WEE2: variants seen among roughly 807,000 people sequenced by gnomAD.
WEE2 encodes the protein wee1-like protein kinase 2.
Under a neutral mutation model 60.1 loss-of-function variants are expected in WEE2, and 50 were observed. That is an observed-to-expected ratio of 0.83 (90% CI 0.66 to 1.05). The LOEUF (loss-of-function observed/expected upper bound fraction) is 1.05. Among genes scored for constraint, WEE2 ranks in the 50% least tolerant of loss-of-function variants. The pLI is 0.00. For synonymous variants in WEE2, 240 were observed against 241.0 expected (o/e 1.00, Z 0.04); for missense variants, 631 against 684.3 (o/e 0.92, Z 0.87).
chr7:141,727,429 G>A lies in WEE2; in HGVS notation c.1518G>A (p.Lys506=), dbSNP rs1194767654. The change falls in exon 10 of 12, where the codon AAG becomes AAA. Residue 506 remains lysine (K), a synonymous_variant. Coordinates refer to ENST00000397541, the MANE Select transcript of WEE2 (RefSeq NM_001105558.1). ...AGCAGCTGAATTTGGAAAAGTTCAA[G>A]ACTGCCACACTGGAAAGGTATATTT... is the stretch of plus-strand genomic sequence containing the variant. ...LQQQLNLEKF[K]TATLERELRE... is the part of the protein sequence containing the mutation. The A allele has an allele frequency of 6.2e-7, 1 of 1,614,016 alleles. No homozygotes were observed. The highest frequency in any genetic ancestry group is 8.5e-7 in the Non-Finnish European group (1 of 1,180,030).
At chr7:141,719,966 CT>C (rs1355439758) in intron 4 of WEE2, among the ~76,000 whole-genome samples, 2 of 152,038 alleles carry the variant, frequency 1.3e-5, no homozygotes, top group African/African-American at 4.8e-5. Flanking sequence ...GTTTCAGAGA[CT>C]ACATGCAAGG....
rs1798817100 is a variant in WEE2 at position 141,717,090 on chromosome 7, A to G, written c.585+823A>G. On this transcript the variant is annotated intron_variant, in intron 3 of 11. Coordinates refer to ENST00000397541, the MANE Select transcript of WEE2 (RefSeq NM_001105558.1). ...TTTATAACACCTTGAAAACATGCGT[A>G]TGTTAATGTTTAGTGTGCAAAAGAC... Among the ~76,000 whole-genome samples the G allele has an allele frequency of 3.9e-5, 6 of 152,346 alleles. No individual in the cohort carries two copies. The South Asian group carries it at 1.2e-3, about 32-fold the overall frequency.
chr7:141,713,563 T>A (rs1798742880), intron 1 of WEE2, among the ~76,000 whole-genome samples: 1 of 152,158 alleles, frequency 6.6e-6, no homozygotes, highest in Admixed American at 6.5e-5. Flanking sequence ...GGGCTTAGAG[T>A]ACTAATTTTC....
Position 141,721,059 on chromosome 7 carries a change from A to T in WEE2, c.880+3A>T, listed in dbSNP as rs774322687. The T allele has an allele frequency of 6.2e-7, 1 of 1,614,164 alleles. No homozygotes were observed. Among genetic ancestry groups the T allele is most frequent in the South Asian group, 1.1e-5 (1 of 91,078 alleles). On this transcript the variant is annotated splice_donor_region_variant and intron_variant, in intron 5 of 11. Transcript: ENST00000397541. The stretch of plus-strand genomic sequence containing the variant: ...CATTCAGAATGAATACTGCAATGGT[A>T]AGTAGTATATAGATGAATAACTACG...
At chr7:141,727,669 C>T in intron 10 of WEE2, 1 of 508,012 alleles carries the variant, frequency 2.0e-6, no homozygotes, top group East Asian at 3.1e-5. Context: ...CCAGTTAACG[C>T]AAACAAAGGA....
chr7:141,727,195 A>G (rs1799032692), intron 9 of WEE2, 109 bp from the exon 10 acceptor site: 3 of 1,193,396 alleles, frequency 2.5e-6, no homozygotes. Flanking sequence ...AGCAGAAGCA[A>G]TGTCTTACAA....
Position 141,729,655 on chromosome 7 carries a change from A to T in WEE2, c.1660A>T (p.Arg554Trp). 1 of 1,613,348 alleles carries T rather than the reference A, an allele frequency of 6.2e-7. No individual in the cohort carries two copies. The highest frequency in any genetic ancestry group is 1.1e-5 in the South Asian group (1 of 90,870). ...ACGCCTGGTGGGAGGAAAGAGTGCA[A>T]GGTCTTCAAGCTTTACCTGTGAGTA... ...TKRLVGGKSA[R>W]SSSFTSGERE... is the part of the protein sequence containing the mutation. The change falls in exon 11 of 12, where the codon AGG (arginine) becomes TGG (tryptophan). Residue 554 changes from arginine to tryptophan, a missense_variant. Transcript: ENST00000397541.
In WEE2 at chr7:141,729,499, G is replaced by C. The variant is rs766233950; in HGVS notation, c.1536-32G>C. 28 of 1,614,008 alleles carry C rather than the reference G, an allele frequency of 1.7e-5. No homozygotes were observed. The South Asian group carries it at 3.1e-4, about 18-fold the overall frequency. On this transcript the variant is annotated intron_variant, in intron 10 of 11. Transcript: ENST00000397541. ...ATACATATCTCTGACTGGAGATCAAGTAGCCTTTGCTTTTTCTCCCTCGCA... is the reference window on the plus strand; with the variant it reads ...ATACATATCTCTGACTGGAGATCAACTAGCCTTTGCTTTTTCTCCCTCGCA...
intron 10 of WEE2, chr7:141,728,069 AC>A (rs1485467980): frequency 1.3e-5 from 2 of 152,112 alleles, no homozygotes; most frequent in Non-Finnish European, 2.9e-5. Context: ...GGATGTGCTG[AC>A]CCCTGTGATA....
chr7:141,712,395 A>C (rs1194150472), intron 1 of WEE2, among the ~76,000 whole-genome samples: 1 of 152,168 alleles, frequency 6.6e-6, no homozygotes. Flanking sequence ...TCTGTGCTAC[A>C]GCTATTCCTT....
chr7:141,718,950 T>C, intron 3 of WEE2, 122 bp from the exon 4 acceptor site: 1 of 816,790 alleles, frequency 1.2e-6, no homozygotes, highest in Non-Finnish European at 1.9e-6. Context: ...GTAGAATTCA[T>C]TGCAGTCACC....
chr7:141,721,044 G>A lies in WEE2; in HGVS notation c.868G>A (p.Glu290Lys). Reference sequence around the variant, plus strand: ...AGATGACCACATGATCATTCAGAATGAATACTGCAATGGTAAGTAGTATAT... The same window carrying A: ...AGATGACCACATGATCATTCAGAATAAATACTGCAATGGTAAGTAGTATAT... Reference protein sequence around the residue: ...AEDDHMIIQNEYCNGGSLQAA... With the variant: ...AEDDHMIIQNKYCNGGSLQAA... Residue 290 changes from glutamate to lysine, a missense_variant, in exon 5 of 12, where the codon GAA (glutamate) becomes AAA (lysine). Physicochemically the swap from Glu to Lys is moderately conservative, Grantham distance 56 (BLOSUM62 1). Transcript: ENST00000397541. The A allele has an allele frequency of 6.2e-7, 1 of 1,614,162 alleles. No individual in the cohort carries two copies. Among genetic ancestry groups the A allele is most frequent in the Non-Finnish European group, 8.5e-7 (1 of 1,180,036 alleles).
chr7:141,726,123 T>C (rs776547143), intron 9 of WEE2, among the ~76,000 whole-genome samples: 2 of 152,176 alleles, frequency 1.3e-5, no homozygotes, highest in Admixed American at 6.5e-5. Flanking sequence ...TATGTTGAAA[T>C]AGAAACAAAA....
chr7:141,729,455 T>A, intron 10 of WEE2, 76 bp from the exon 11 acceptor site: 1 of 1,574,708 alleles, frequency 6.4e-7, no homozygotes, highest in Non-Finnish European at 8.7e-7. Context: ...AGAAAAACAT[T>A]TATATATTAG....
In WEE2 at chr7:141,723,153, T is replaced by C; in HGVS notation, c.900T>C (p.Ala300=). ...EYCNGGSLQA[A]ISENTKSGNH... is the part of the protein sequence containing the mutation. ...TCCCAGGTGGGAGTTTGCAAGCTGC[T>C]ATATCTGAAAACACTAAGTCTGGCA... The change falls in exon 6 of 12, where the codon GCT becomes GCC. Residue 300 remains alanine (A), a synonymous_variant. Transcript: ENST00000397541. The C allele has an allele frequency of 6.2e-7, 1 of 1,614,192 alleles. No homozygotes were observed. The highest frequency in any genetic ancestry group is 1.3e-5 in the African/African-American group (1 of 75,060).
Position 141,723,217 on chromosome 7 carries a change from C to T in WEE2, c.964C>T (p.Gln322Ter). 6.2e-7 allele frequency: 1 copy of T among 1,614,164 alleles called. No homozygotes were observed. The highest frequency in any genetic ancestry group is 2.2e-5 in the East Asian group (1 of 44,876). Residue 322 changes from glutamine to a stop codon, truncating the protein, a stop_gained, in exon 6 of 12, where the codon CAG becomes TAG. Coordinates refer to ENST00000397541, the MANE Select transcript of WEE2 (RefSeq NM_001105558.1). LOFTEE classifies it high-confidence loss of function. Reference protein sequence around the residue: ...EEPKLKDILLQISLGLNYIHN... With the variant: ...EEPKLKDILL Reference sequence around the variant, plus strand: ...GCCAAAACTCAAGGACATCCTTCTACAGATTTCCCTTGGCCTTAATTACAT... The same window carrying T: ...GCCAAAACTCAAGGACATCCTTCTATAGATTTCCCTTGGCCTTAATTACAT...
chr7:141,714,528 T>C, intron 2 of WEE2, 123 bp downstream of exon 2: 7 of 691,378 alleles, frequency 1.0e-5, no homozygotes, highest in South Asian at 2.2e-5. Flanking sequence ...TATGCTTACA[T>C]ATTCTCCCCT....
rs765655063 is a variant in WEE2, at chr7:141,714,244, G to A, written c.378G>A (p.Gly126=). 6.2e-7 allele frequency: 1 copy of A among 1,612,938 alleles called. No homozygotes were observed. The highest frequency in any genetic ancestry group is 2.2e-5 in the East Asian group (1 of 44,872). The stretch of plus-strand genomic sequence containing the variant: ...GCCGGTTGGTGATTTCTCCAACAGG[G>A]AAGCTTCCTTCCAGAGGCCCTAAGC... The part of the protein sequence containing the change: ...MLSRLVISPT[G]KLPSRGPKHL... The change falls in exon 2 of 12, where the codon GGG becomes GGA. Residue 126 remains glycine, a synonymous_variant. Transcript: ENST00000397541.
intron 10 of WEE2, 105 bp from the exon 11 acceptor site, chr7:141,729,425 CT>C: frequency 5.2e-6 from 2 of 384,284 alleles, no homozygotes; most frequent in South Asian, 8.0e-5. Flanking sequence ...CTTTTCGTTT[CT>C]GTAAATACTG....
Sources: gnomAD v4.1 joint callset for allele counts (sites outside exome capture counted in the v4.1 genomes callset) on GRCh38, gnomAD v4.1.1 for gene constraint, MANE v1.5 for transcripts, NCBI Gene and HGNC (gene_info 2026-07-23, HGNC 2026-07-21) for gene names.